The following CPT1A variants were observed in gnomAD, a reference collection of about 807,000 sequenced individuals.
CPT1A encodes carnitine palmitoyltransferase 1A.
In CPT1A, 64 loss-of-function variants were observed where a neutral mutation model predicts 100.8. The observed-to-expected ratio is 0.63, with a 90% CI of 0.52 to 0.78. The LOEUF (loss-of-function observed/expected upper bound fraction) is 0.78, where lower values mean the gene tolerates loss of function less well. CPT1A is among the 30% of genes least tolerant of loss of function. The pLI is 0.00. For missense variants in CPT1A, 802 were observed against 1,034.1 expected, an observed-to-expected ratio of 0.78 and a Z score of 3.08; for synonymous variants, 363 against 396.0, an observed-to-expected ratio of 0.92 and a Z score of 0.99.
chr11:68,798,516 T>C (rs1855816778), intron 6 of CPT1A, among the ~76,000 whole-genome samples: 1 of 151,788 alleles, frequency 6.6e-6, no homozygotes, highest in African/African-American at 2.4e-5. Context: ...GGAGGCCTGC[T>C]CTTGCCCTCC....
chr11:68,821,152 T>C (rs1856571448), intron 1 of CPT1A, among the ~76,000 whole-genome samples: 1 of 152,018 alleles, frequency 6.6e-6, no homozygotes, highest in Non-Finnish European at 1.5e-5. Context: ...TGTATTTTTA[T>C]TTTATTTATT....
In CPT1A at chr11:68,812,482, G is replaced by A; in HGVS notation, c.236C>T (p.Pro79Leu). 1 of 1,614,176 alleles carries A rather than the reference G, an allele frequency of 6.2e-7. No homozygotes were observed. Among genetic ancestry groups the A allele is most frequent in the South Asian group, 1.1e-5 (1 of 91,088 alleles). The change falls in exon 3 of 19, where the codon CCC (proline) becomes CTC (leucine). Residue 79 changes from proline (P) to leucine (L), a missense_variant. Physicochemically the swap from Pro to Leu is moderately conservative, Grantham distance 98. Transcript: ENST00000265641. The stretch of plus-strand genomic sequence containing the variant: ...GATTTTTGCAATTATTCCTAACGAG[G>A]GGTCGATCTTGGCGTACATCGTTGT... ...VMTTMYAKID[P>L]SLGIIAKINR...
rs1406368097 is a variant in CPT1A at position 68,841,642 on chromosome 11, C to T, written c.-14+133G>A. 7.7e-6 allele frequency: 3 copies of T among 391,636 alleles called. No individual in the cohort carries two copies. In the Admixed American group the frequency reaches 1.9e-4, roughly 25 times the overall value. 24.3% of individuals were successfully genotyped at this position (391,636 alleles called of 1,614,324 possible). A position where few individuals can be genotyped will look rare whatever the true frequency, so the allele number is the denominator to read the frequency against. ...GTCCGGGGGGAATACCGGGGTTCCT[C>T]TCGGCGCCCCGGTTCCGGCGGCGTC... On this transcript the variant is annotated intron_variant, in intron 1 of 18. Transcript: ENST00000265641. The surrounding 1 kb of genome is among the most constrained non-coding windows in gnomAD (Gnocchi z 6.3).
At chr11:68,815,563 A>T in intron 1 of CPT1A, 76 bp from the exon 2 acceptor site, 1 of 1,412,030 alleles carries the variant, frequency 7.1e-7, no homozygotes, top group Non-Finnish European at 9.9e-7. Context: ...CAGAAGTGCC[A>T]TTCCTTCTGA....
At position 68,756,846 on chromosome 11, in the gene CPT1A, G is replaced by C. The variant is rs530083614; in HGVS notation, c.*798C>G. 1.2e-4 allele frequency: 18 copies of C among 152,402 alleles called. No homozygotes were observed. The highest frequency in any genetic ancestry group is 4.1e-4 in the African/African-American group (17 of 41,562). 9.4% of individuals were successfully genotyped at this position (152,402 alleles called of 1,614,324 possible). On this transcript the variant is annotated 3_prime_UTR_variant, in exon 19 of 19. Coordinates refer to ENST00000265641, the MANE Select transcript of CPT1A (RefSeq NM_001876.4). ...GGAAGGAACTGGTGTTTCTGAGGGG[G>C]AGGGGGCTGGTGGGGTGTAGCAAAT...
intron 16 of CPT1A, 98 bp downstream of exon 16, chr11:68,761,437 C>T: frequency 7.2e-7 from 1 of 1,390,748 alleles, no homozygotes; most frequent in Non-Finnish European, 1.0e-6. Flanking sequence ...TTTTCAAATG[C>T]CCATTCTGAC....
intron 1 of CPT1A, among the ~76,000 whole-genome samples, chr11:68,826,645 G>A (rs1462415317): frequency 2.0e-5 from 3 of 151,678 alleles, no homozygotes; most frequent in Admixed American, 6.6e-5. Flanking sequence ...GGCTGAGGGA[G>A]GAGAATGGCG....
intron 1 of CPT1A, among the ~76,000 whole-genome samples, chr11:68,828,733 G>A (rs1197136023): frequency 3.7e-5 from 2 of 54,402 alleles, no homozygotes; most frequent in African/African-American, 3.3e-5. Flanking sequence ...ATGGCCTGAG[G>A]CTTGGGCAAG....
At chr11:68,805,678 A>G (rs1033049981) in intron 4 of CPT1A, among the ~76,000 whole-genome samples, 16 of 152,148 alleles carry the variant, frequency 1.1e-4, no homozygotes, top group African/African-American at 3.9e-4. Context: ...CTTCGTATAC[A>G]CCGGCAGACC....
chr11:68,797,000 G>T, intron 6 of CPT1A, 67 bp from the exon 7 acceptor site: 1 of 1,512,440 alleles, frequency 6.6e-7, no homozygotes, highest in Non-Finnish European at 9.1e-7. Context: ...CCTGGCAGCA[G>T]CCCAGAGCCG....
intron 9 of CPT1A, 101 bp downstream of exon 9, chr11:68,793,214 G>T (rs1156405782): frequency 2.6e-6 from 2 of 772,322 alleles, no homozygotes; most frequent in African/African-American, 1.8e-5. Flanking sequence ...TCTCAGGAAG[G>T]GTCAGCAAAA....
chr11:68,792,930 C>G (rs1417518604), intron 9 of CPT1A, among the ~76,000 whole-genome samples: 1 of 152,176 alleles, frequency 6.6e-6, no homozygotes, highest in Non-Finnish European at 1.5e-5. Context: ...TGCCTGTGGT[C>G]TCAGCTACTG....
intron 2 of CPT1A, among the ~76,000 whole-genome samples, chr11:68,812,824 G>A (rs557837009): frequency 6.6e-6 from 1 of 152,006 alleles, no homozygotes; most frequent in South Asian, 2.1e-4. Flanking sequence ...GCTTCCCCAA[G>A]AGTCGACGCC....
intron 3 of CPT1A, among the ~76,000 whole-genome samples, chr11:68,811,004 A>G (rs778693351): frequency 6.6e-6 from 1 of 152,150 alleles, no homozygotes; most frequent in East Asian, 1.9e-4. Flanking sequence ...AATCAAATTC[A>G]GCCGTTAACT....
At chr11:68,826,470 C>A (rs1442921657) in intron 1 of CPT1A, among the ~76,000 whole-genome samples, 2 of 149,750 alleles carry the variant, frequency 1.3e-5, no homozygotes, top group African/African-American at 4.9e-5. Flanking sequence ...CGCGGTGGCT[C>A]ACGCCTGTAA....
At chr11:68,779,670 C>G (rs1457878096) in intron 12 of CPT1A, among the ~76,000 whole-genome samples, 1 of 151,690 alleles carries the variant, frequency 6.6e-6, no homozygotes, top group Non-Finnish European at 1.5e-5. Flanking sequence ...GTGGCACACA[C>G]CTGTAGTCCC....
chr11:68,824,794 C>CTTTTTTT (rs60451933), intron 1 of CPT1A, among the ~76,000 whole-genome samples: 1 of 120,354 alleles, frequency 8.3e-6, no homozygotes, highest in Non-Finnish European at 1.6e-5. Context: ...GCAATTGTAT[C>CTTTTTTT]TTTTTTTTTT....
intron 16 of CPT1A, among the ~76,000 whole-genome samples, chr11:68,760,783 C>T (rs573340032): frequency 1.2e-4 from 18 of 152,244 alleles, no homozygotes; most frequent in African/African-American, 2.9e-4. Context: ...GAACCCGACG[C>T]GGGTGGATTG....
chr11:68,762,483 G>T, intron 15 of CPT1A, 144 bp downstream of exon 15: 1 of 980,358 alleles, frequency 1.0e-6, no homozygotes, highest in Non-Finnish European at 1.6e-6. Context: ...CCTTGAAAGG[G>T]GCAGAGGAAA....
Sources: allele counts gnomAD v4.1 joint callset (sites outside exome capture counted in the v4.1 genomes callset), GRCh38; gene constraint gnomAD v4.1.1; non-coding constraint Gnocchi (gnomAD v3.1); transcripts MANE v1.5; gene names NCBI Gene and HGNC (gene_info 2026-07-23, HGNC 2026-07-21).